Variants in PRAMEF18 observed in about 807,000 individuals in gnomAD.
PRAMEF18 encodes PRAME family member-like.
In PRAMEF18, 15 loss-of-function variants were observed where a neutral mutation model predicts 23.7. The observed-to-expected ratio is 0.63, with a 90% confidence interval of 0.42 to 0.97. The LOEUF (loss-of-function observed/expected upper bound fraction) is 0.97, where lower values mean the gene tolerates loss of function less well. Ranked by LOEUF, PRAMEF18 falls within the 50% of genes least tolerant of loss-of-function variation. The pLI is 0.00. For synonymous variants in PRAMEF18, 78 were observed against 159.9 expected, an observed-to-expected ratio of 0.49 and a Z score of 3.86; for missense variants, 223 against 418.6, an observed-to-expected ratio of 0.53 and a Z score of 4.08.
chr1:13,225,036 T>C (rs768746330), exon 2 of PRAMEF18: 35 of 1,614,042 alleles, frequency 2.2e-5, no homozygotes, highest in African/African-American at 1.3e-5. Flanking sequence ...CTCATCTGGC[T>C]CAGGTAACGG....
intron 2 of PRAMEF18, 177 bp downstream of exon 2, chr1:13,224,678 G>T: frequency 8.3e-7 from 1 of 1,206,640 alleles, no homozygotes; most frequent in Non-Finnish European, 1.2e-6. Flanking sequence ...GCCCTTACTG[G>T]AGCGATCCTG....
intron 2 of PRAMEF18, chr1:13,224,164 C>T (rs1638805683): frequency 3.0e-6 from 1 of 330,356 alleles, no homozygotes. Flanking sequence ...CTTCATCTTC[C>T]AGCAGAAAGC....
intron 1 of PRAMEF18, 40 bp from the exon 2 acceptor site, chr1:13,225,473 G>A (rs1638836322): frequency 6.3e-7 from 1 of 1,592,500 alleles, no homozygotes; most frequent in South Asian, 1.1e-5. Context: ...ACGTAGACAA[G>A]GACCCACCCC....
upstream of PRAMEF18, chr1:13,226,120 C>T: frequency 3.7e-6 from 6 of 1,612,222 alleles, no homozygotes; most frequent in Admixed American, 1.7e-5. Context: ...GATAAATCTG[C>T]AAGAAAACAA....
chr1:13,224,931 G>A (rs2100398197), exon 2 of PRAMEF18: 5 of 1,614,100 alleles, frequency 3.1e-6, no homozygotes, highest in East Asian at 4.5e-5. Context: ...TCCAGCCTGA[G>A]GAGCACAGAG....
exon 2 of PRAMEF18, chr1:13,224,949 C>T (rs1638821072): frequency 6.2e-7 from 1 of 1,614,100 alleles, no homozygotes; most frequent in East Asian, 2.2e-5. Flanking sequence ...GAGCTGAATT[C>T]AGCAACTAAC....
exon 1 of PRAMEF18, chr1:13,226,086 G>C (rs1402527523): frequency 1.9e-6 from 3 of 1,612,738 alleles, no homozygotes; most frequent in Non-Finnish European, 2.5e-6. Flanking sequence ...CCAGGAGTCT[G>C]CGTGGGGCCT....
At chr1:13,224,971 G>T (rs1423908462) in exon 2 of PRAMEF18, 4 of 1,614,146 alleles carry the variant, frequency 2.5e-6, no homozygotes, top group Non-Finnish European at 3.4e-6. Context: ...GTTCTTGGCT[G>T]TCAGAGCTTA....
exon 2 of PRAMEF18, chr1:13,224,927 C>T: frequency 6.2e-7 from 1 of 1,614,100 alleles, no homozygotes; most frequent in Non-Finnish European, 8.5e-7. Flanking sequence ...GTTCTCCAGC[C>T]TGAGGAGCAC....
intron 1 of PRAMEF18, 25 bp downstream of exon 1, chr1:13,225,795 G>A (rs1454053474): frequency 6.2e-7 from 1 of 1,612,670 alleles, no homozygotes; most frequent in African/African-American, 1.3e-5. Flanking sequence ...GGACACCTGG[G>A]CCCTCCCCAC....
intron 2 of PRAMEF18, 173 bp from the exon 3 acceptor site, chr1:13,224,078 TC>T (rs1638804609): frequency 4.1e-6 from 1 of 245,270 alleles, no homozygotes; most frequent in East Asian, 1.1e-4. Context: ...TCAGAGGCAG[TC>T]CCATTTTAGG....
exon 1 of PRAMEF18, chr1:13,226,104 C>G: frequency 6.2e-7 from 1 of 1,612,454 alleles, no homozygotes; most frequent in South Asian, 1.1e-5. Context: ...CCTGGAAGCT[C>G]ATCCTGATAA....
chr1:13,224,983 C>T, exon 2 of PRAMEF18: 3 of 1,614,172 alleles, frequency 1.9e-6, no homozygotes, highest in Non-Finnish European at 2.5e-6. Flanking sequence ...CAGAGCTTAG[C>T]AGGTAACGAC....
chr1:13,224,991 G>T (rs367824759), exon 2 of PRAMEF18: 2 of 1,614,090 alleles, frequency 1.2e-6, no homozygotes, highest in South Asian at 2.2e-5. Context: ...AGCAGGTAAC[G>T]ACAGCCATCA....
At position 13,224,849 on chromosome 1, in the gene PRAMEF18, C is replaced by T. The variant is rs1344844778; in HGVS notation, c.866+6G>A. The T allele has an allele frequency of 1.2e-3, 1,857 of 1,612,938 alleles. No individual in the cohort carries two copies. The African/African-American group carries it at 0.022, about 19-fold the overall frequency. On this transcript the variant is annotated splice_donor_region_variant and intron_variant, in intron 2 of 2. Transcript: ENST00000624297. ...CCCCCAGAGAAAGCTCACCATCCTT[C>T]CTCACCTGATCAGCTGGTCCAGGTG...
At chr1:13,224,937 C>G (rs1557716676) in exon 2 of PRAMEF18, 1 of 1,614,100 alleles carries the variant, frequency 6.2e-7, no homozygotes, top group Non-Finnish European at 8.5e-7. Context: ...CTGAGGAGCA[C>G]AGAGCTGAAT....
chr1:13,224,309 C>T (rs1407492954), intron 2 of PRAMEF18: 1 of 181,410 alleles, frequency 5.5e-6, no homozygotes, highest in Non-Finnish European at 1.0e-5. Context: ...CCACCTGTCA[C>T]TTTGTACCAC....
At chr1:13,225,936 C>T (rs1638844502) in exon 1 of PRAMEF18, 1 of 1,614,162 alleles carries the variant, frequency 6.2e-7, no homozygotes, top group African/African-American at 1.3e-5. Context: ...AGGGCCAGGC[C>T]TGCACCATCA....
At chr1:13,226,128 C>G, upstream of PRAMEF18, 2 of 1,611,162 alleles carry the variant, frequency 1.2e-6, no homozygotes, top group East Asian at 2.2e-5. Context: ...TGCAAGAAAA[C>G]AAATCCAGAG....
Sources: gnomAD v4.1 joint callset for allele counts on GRCh38, gnomAD v4.1.1 for gene constraint, MANE v1.5 for transcripts, NCBI Gene and HGNC (gene_info 2026-07-23, HGNC 2026-07-21) for gene names.